The following KIAA1217 variants were observed in gnomAD, a reference collection of about 807,000 sequenced individuals.
KIAA1217 encodes the protein KIAA1217.
KIAA1217 carries 88 observed loss-of-function variants against 163.9 expected under a neutral mutation model. The ratio of observed to expected loss-of-function variants is 0.54; its 90% CI spans 0.45 to 0.64. The LOEUF (loss-of-function observed/expected upper bound fraction) is 0.64, where lower values mean the gene tolerates loss of function less well. Among genes scored for constraint, KIAA1217 ranks in the 30% least tolerant of loss-of-function variants. The pLI is 0.00. For synonymous variants in KIAA1217, 903 were observed against 923.1 expected, an observed-to-expected ratio of 0.98 and a Z score of 0.39; for missense variants, 2,372 against 2,475.0, an observed-to-expected ratio of 0.96 and a Z score of 0.88.
intron 2 of KIAA1217, among the ~76,000 whole-genome samples, chr10:24,081,283 G>A (rs949727956): frequency 2.6e-5 from 4 of 152,166 alleles, no homozygotes; most frequent in African/African-American, 9.7e-5. Flanking sequence ...GAATAGAGAT[G>A]TCTTAAATGG....
At chr10:24,520,686 AC>A (rs1484239989) in intron 11 of KIAA1217, among the ~76,000 whole-genome samples, 2 of 129,758 alleles carry the variant, frequency 1.5e-5, no homozygotes, top group African/African-American at 3.0e-5. Flanking sequence ...ACACACACAC[AC>A]AAAAAAAAAT....
intron 2 of KIAA1217, among the ~76,000 whole-genome samples, chr10:24,190,029 A>C (rs1234540473): frequency 6.6e-6 from 1 of 151,644 alleles, no homozygotes. Context: ...TCTATTTAAA[A>C]AAAAAAAAAA....
chr10:23,774,751 G>C (rs1834939015), intron 1 of KIAA1217, among the ~76,000 whole-genome samples: 1 of 152,176 alleles, frequency 6.6e-6, no homozygotes, highest in Admixed American at 6.5e-5. Context: ...GCCTGCTCTT[G>C]TTTGGCTGCT....
intron 2 of KIAA1217, among the ~76,000 whole-genome samples, chr10:24,017,744 G>GCCACTTA (rs1238321327): frequency 2.0e-5 from 3 of 152,122 alleles, no homozygotes; most frequent in Non-Finnish European, 4.4e-5. Flanking sequence ...CAGAAGCACA[G>GCCACTTA]CCACTTACCC....
chr10:23,978,740 C>A (rs574450828), intron 1 of KIAA1217, among the ~76,000 whole-genome samples: 1 of 152,090 alleles, frequency 6.6e-6, no homozygotes, highest in African/African-American at 2.4e-5. Context: ...GCTTTTAAAA[C>A]ATACACAGAA....
intron 2 of KIAA1217, among the ~76,000 whole-genome samples, chr10:24,201,466 G>A (rs577673330): frequency 2.6e-5 from 4 of 152,160 alleles, no homozygotes; most frequent in African/African-American, 9.6e-5. Flanking sequence ...ATGTCATCTG[G>A]GAAATGAAGA....
chr10:24,059,467 A>G (rs932059831), intron 2 of KIAA1217, among the ~76,000 whole-genome samples: 1 of 151,962 alleles, frequency 6.6e-6, no homozygotes, highest in African/African-American at 2.4e-5. Context: ...ATTCTTTTTT[A>G]AATTTTTGGT....
At chr10:23,963,670 A>G (rs112207828) in intron 1 of KIAA1217, among the ~76,000 whole-genome samples, 1 of 152,184 alleles carries the variant, frequency 6.6e-6, no homozygotes, top group African/African-American at 2.4e-5. Flanking sequence ...TTCTGGTTCT[A>G]GATCCTTGAG....
intron 15 of KIAA1217, 42 bp from the exon 16 acceptor site, chr10:24,533,028 A>T: frequency 1.3e-6 from 2 of 1,565,916 alleles, no homozygotes; most frequent in Non-Finnish European, 8.7e-7. Flanking sequence ...GCTAGCACCT[A>T]GGAGATGTTA....
chr10:24,329,364 C>T (rs1425280269), intron 2 of KIAA1217, among the ~76,000 whole-genome samples: 2 of 151,302 alleles, frequency 1.3e-5, no homozygotes, highest in Non-Finnish European at 2.9e-5. Context: ...ACTTGCTGCT[C>T]AGTGGAAAAT....
intron 2 of KIAA1217, among the ~76,000 whole-genome samples, chr10:24,177,836 T>G (rs1317534628): frequency 6.6e-6 from 1 of 151,962 alleles, no homozygotes; most frequent in East Asian, 1.9e-4. Context: ...AAAATCTGAG[T>G]GTTGTGTTTA....
chr10:24,059,730 A>C (rs1355838910), intron 2 of KIAA1217, among the ~76,000 whole-genome samples: 1 of 152,088 alleles, frequency 6.6e-6, no homozygotes, highest in South Asian at 2.1e-4. Context: ...GGCACCCGCC[A>C]CTGCACCCAG....
intron 1 of KIAA1217, among the ~76,000 whole-genome samples, chr10:23,820,246 C>G (rs1837557373): frequency 6.6e-6 from 1 of 152,166 alleles, no homozygotes; most frequent in African/African-American, 2.4e-5. Context: ...ATTTCATATC[C>G]CTTATCTCAC....
In KIAA1217 at chr10:24,473,534, G is replaced by T. The variant is rs2063736255; in HGVS notation, c.1153G>T (p.Ala385Ser). The change falls in exon 6 of 21, where the codon GCA becomes TCA. Residue 385 changes from alanine to serine, a missense_variant. By Grantham distance (99) the Ala-to-Ser change is moderately conservative. Coordinates refer to ENST00000376454, the MANE Select transcript of KIAA1217 (RefSeq NM_019590.5). ...PDEDMSGKNI[A>S]MYRNEGFYAD... ...TGAAGACATGAGTGGCAAAAACATTGCAATGTACAGAAATGAGGGTTTCTA... is the reference window on the plus strand; with the variant it reads ...TGAAGACATGAGTGGCAAAAACATTTCAATGTACAGAAATGAGGGTTTCTA... 1 of 1,613,826 alleles carries T rather than the reference G, an allele frequency of 6.2e-7. No individual in the cohort carries two copies. The highest frequency in any genetic ancestry group is 8.5e-7 in the Non-Finnish European group (1 of 1,179,954).
chr10:24,474,177 C>T (rs1161737574), intron 6 of KIAA1217, 117 bp downstream of exon 6: 1 of 731,522 alleles, frequency 1.4e-6, no homozygotes, highest in Non-Finnish European at 2.2e-6. Flanking sequence ...TGCAGCATGT[C>T]CTGTGGATGC....
chr10:24,004,953 C>T (rs990404252), intron 1 of KIAA1217, among the ~76,000 whole-genome samples: 8 of 152,102 alleles, frequency 5.3e-5, no homozygotes, highest in African/African-American at 1.7e-4. Flanking sequence ...TGGGAAGGTT[C>T]GACAACAGGA....
intron 2 of KIAA1217, chr10:24,158,296 C>G: frequency 1.4e-6 from 1 of 701,486 alleles, no homozygotes; most frequent in South Asian, 1.4e-5. Context: ...CCGGTTGGAT[C>G]CTTTTTATAC....
chr10:23,738,786 G>A (rs936490799), intron 1 of KIAA1217, among the ~76,000 whole-genome samples: 2 of 151,940 alleles, frequency 1.3e-5, no homozygotes, highest in African/African-American at 2.4e-5. Flanking sequence ...TATGTGCCAG[G>A]TACTATTTCA....
chr10:23,912,916 C>T (rs1842495466), intron 1 of KIAA1217, among the ~76,000 whole-genome samples: 1 of 152,158 alleles, frequency 6.6e-6, no homozygotes, highest in African/African-American at 2.4e-5. Context: ...CTTCACTGTC[C>T]TTTGTAAAAG....
Sources: gnomAD v4.1 joint callset for allele counts (sites outside exome capture counted in the v4.1 genomes callset) on GRCh38, gnomAD v4.1.1 for gene constraint, MANE v1.5 for transcripts, NCBI Gene and HGNC (gene_info 2026-07-23, HGNC 2026-07-21) for gene names.